The following PRDM1 variants were observed in gnomAD, a reference collection of about 807,000 sequenced individuals.
PRDM1 encodes PR domain zinc finger protein 1.
In PRDM1, 13 loss-of-function variants were observed where a neutral mutation model predicts 62.8. The observed-to-expected ratio is 0.21, with a 90% CI of 0.13 to 0.33. PRDM1 has a LOEUF of 0.33. PRDM1 is among the 10% of genes least tolerant of loss of function. The pLI is 1.00. For synonymous variants in PRDM1, 396 were observed against 417.6 expected, an observed-to-expected ratio of 0.95 and a Z score of 0.63; for missense variants, 895 against 1,058.8, an observed-to-expected ratio of 0.85 and a Z score of 2.15.
At chr6:106,029,079 C>A (rs1051071632) in intron 1 of PRDM1, among the ~76,000 whole-genome samples, 2 of 152,156 alleles carry the variant, frequency 1.3e-5, no homozygotes, top group East Asian at 3.9e-4. Flanking sequence ...CGCCACCATG[C>A]CCAGCTAATT....
chr6:106,060,474 T>C (rs952387549), intron 1 of PRDM1, among the ~76,000 whole-genome samples: 2 of 152,134 alleles, frequency 1.3e-5, no homozygotes, highest in Non-Finnish European at 2.9e-5. Context: ...AAGTGGAGGC[T>C]GTAGACATAG....
At chr6:106,102,744 T>A (rs939619018) in intron 4 of PRDM1, among the ~76,000 whole-genome samples, 9 of 152,228 alleles carry the variant, frequency 5.9e-5, no homozygotes, top group Admixed American at 5.9e-4. Context: ...TGGAAGCCAC[T>A]GGAAAAAATA....
intron 1 of PRDM1, among the ~76,000 whole-genome samples, chr6:106,035,907 T>C (rs1461560627): frequency 1.3e-5 from 2 of 152,008 alleles, no homozygotes; most frequent in Non-Finnish European, 2.9e-5. Context: ...TCATTTTGCT[T>C]TTTGTTTTCT....
At chr6:106,098,608 G>C in intron 3 of PRDM1, 5 of 1,316,748 alleles carry the variant, frequency 3.8e-6, no homozygotes, top group Non-Finnish European at 5.0e-6. Context: ...TGTTTATCAA[G>C]AGGAAAAGTG....
At chr6:105,993,285 G>C (rs1431769642), upstream of PRDM1, among the ~76,000 whole-genome samples, 1 of 152,200 alleles carries the variant, frequency 6.6e-6, no homozygotes, top group East Asian at 1.9e-4. Context: ...TCTCGGGTTT[G>C]ATCCCCAAAA....
At position 106,108,926 on chromosome 6, in the gene PRDM1, A is replaced by G. The variant is rs965844172; in HGVS notation, c.*1440A>G. 3.1e-5 allele frequency: 7 copies of G among 228,524 alleles called. No individual in the cohort carries two copies. Among genetic ancestry groups the G allele is most frequent in the African/African-American group, 1.6e-4 (7 of 45,050 alleles). 14.2% of individuals were successfully genotyped at this position (228,524 alleles called of 1,614,324 possible). A position where few individuals can be genotyped will look rare whatever the true frequency, so the allele number is the denominator to read the frequency against. ...AGCAAGATAGACTTTGTGTTATTCTATCTTTTATTCTGCTAAGCCCAAAGA... is the reference window on the plus strand; with the variant it reads ...AGCAAGATAGACTTTGTGTTATTCTGTCTTTTATTCTGCTAAGCCCAAAGA... On this transcript the variant is annotated 3_prime_UTR_variant, in exon 7 of 7. Transcript: ENST00000369096.
intron 1 of PRDM1, among the ~76,000 whole-genome samples, chr6:106,009,058 C>G (rs1772513917): frequency 6.6e-6 from 1 of 152,220 alleles, no homozygotes; most frequent in Non-Finnish European, 1.5e-5. Flanking sequence ...CTGCCACGTT[C>G]TATGTCTACC....
At position 106,059,690 on chromosome 6, in the gene PRDM1, T is replaced by C. The variant is rs545601990; in HGVS notation, c.-67+10976T>C. ...AGAAGGGAAGAGGAAGATCACTTAGTAGACTCATTCATTCAACAGTCTAGG... is the reference window on the plus strand; with the variant it reads ...AGAAGGGAAGAGGAAGATCACTTAGCAGACTCATTCATTCAACAGTCTAGG... On this transcript the variant is annotated intron_variant, in intron 1 of 6. Transcript: ENST00000651185. 2.6e-5 allele frequency among the ~76,000 whole-genome samples: 4 copies of C among 152,342 alleles called. No individual in the cohort carries two copies. The South Asian group carries it at 8.3e-4, about 32-fold the overall frequency.
chr6:106,081,567 T>A (rs1216630502), upstream of PRDM1, among the ~76,000 whole-genome samples: 1 of 152,202 alleles, frequency 6.6e-6, no homozygotes, highest in Non-Finnish European at 1.5e-5. Context: ...TCGACTTAGA[T>A]TGGATACTAA....
intron 4 of PRDM1, among the ~76,000 whole-genome samples, chr6:106,102,616 G>T (rs867776964): frequency 1.1e-4 from 17 of 152,144 alleles, no homozygotes; most frequent in African/African-American, 4.1e-4. Context: ...TTATATTAAG[G>T]TACTTAAGAA....
intron 1 of PRDM1, among the ~76,000 whole-genome samples, chr6:105,998,644 G>T (rs1334308692): frequency 1.3e-5 from 2 of 151,922 alleles, no homozygotes; most frequent in Non-Finnish European, 2.9e-5. Context: ...TTTTTCTTCA[G>T]TCAGACTTCG....
At chr6:106,040,676 C>A (rs1382365932) in intron 1 of PRDM1, among the ~76,000 whole-genome samples, 1 of 152,142 alleles carries the variant, frequency 6.6e-6, no homozygotes, top group African/African-American at 2.4e-5. Context: ...GTTAAAATTA[C>A]AAGAATTATT....
chr6:106,035,991 C>T (rs1248401958), intron 1 of PRDM1, among the ~76,000 whole-genome samples: 1 of 151,542 alleles, frequency 6.6e-6, no homozygotes, highest in East Asian at 2.0e-4. Flanking sequence ...TGGTCTTGAA[C>T]TCCTGAGTTC....
intron 1 of PRDM1, among the ~76,000 whole-genome samples, chr6:106,035,637 A>C (rs529165951): frequency 6.6e-6 from 1 of 152,208 alleles, no homozygotes; most frequent in East Asian, 1.9e-4. Context: ...TGTCTCAAAA[A>C]AATTTAAAAA....
intron 1 of PRDM1, among the ~76,000 whole-genome samples, chr6:105,993,861 G>C (rs1772315242): frequency 6.6e-6 from 1 of 152,194 alleles, no homozygotes; most frequent in Non-Finnish European, 1.5e-5. Context: ...CTTTTAAAAC[G>C]GAGTAGAAAG....
Position 106,065,908 on chromosome 6 carries a change from A to G in PRDM1, c.-67+17194A>G, listed in dbSNP as rs555927985. 2.0e-5 allele frequency among the ~76,000 whole-genome samples: 3 copies of G among 152,258 alleles called. No homozygotes were observed. In the South Asian group the frequency reaches 6.2e-4, roughly 32 times the overall value. On this transcript the variant is annotated intron_variant, in intron 1 of 6. Coordinates refer to the PRDM1 transcript ENST00000651185. ...GGCTTAGCTGGATCCCTGCAGATAG[A>G]TATTATGGTTTACATACAGTAATTC...
At chr6:105,999,189 T>C (rs1223422807) in intron 1 of PRDM1, among the ~76,000 whole-genome samples, 1 of 151,866 alleles carries the variant, frequency 6.6e-6, no homozygotes, top group African/African-American at 2.4e-5. Flanking sequence ...TCCTTTTGTC[T>C]TGGCTTCCCA....
rs1227783243 is a variant in PRDM1, at chr6:106,038,014, C to CTTTTTTTTTTTTTTTTT, written c.-67+44379_-67+44395dup. On this transcript the variant is annotated intron_variant, in intron 1 of 6. Coordinates refer to the PRDM1 transcript ENST00000652320. ...CTTTCCTATGGTTTGCTATTTTTGT[C>CTTTTTTTTTTTTTTTTT]TTTTTTTTTTTTTTTTTTTTGAGAC... is the stretch of plus-strand genomic sequence containing the variant. Among the ~76,000 whole-genome samples, 66 of 47,790 alleles carry CTTTTTTTTTTTTTTTTT rather than the reference C, an allele frequency of 1.4e-3. 19 individuals carry two copies. The highest frequency in any genetic ancestry group is 3.0e-3 in the South Asian group (2 of 668). 31.4% of individuals were successfully genotyped at this position (47,790 alleles called of 152,430 possible).
At chr6:106,071,854 C>G (rs1773525989) in intron 1 of PRDM1, among the ~76,000 whole-genome samples, 1 of 151,448 alleles carries the variant, frequency 6.6e-6, no homozygotes, top group Non-Finnish European at 1.5e-5. Flanking sequence ...AGGTTGGCAT[C>G]TGATTAAGTA....
Sources: gnomAD v4.1 joint callset for allele counts (sites outside exome capture counted in the v4.1 genomes callset) on GRCh38, gnomAD v4.1.1 for gene constraint, MANE v1.5 for transcripts, NCBI Gene and HGNC (gene_info 2026-07-23, HGNC 2026-07-21) for gene names.